BIRC7: variants seen among roughly 807,000 people sequenced by gnomAD.
BIRC7 encodes the protein baculoviral IAP repeat-containing protein 7.
BIRC7 carries 26 observed loss-of-function variants against 33.2 expected under a neutral mutation model. That is an observed-to-expected ratio of 0.78 (90% CI 0.57 to 1.09). BIRC7 has a LOEUF of 1.09. BIRC7 is among the 50% of genes least tolerant of loss of function. BIRC7 has a pLI of 0.00. For synonymous variants in BIRC7, 176 were observed against 171.0 expected (o/e 1.03, Z -0.23); for missense variants, 409 against 401.2 (o/e 1.02, Z -0.17).
At chr20:63,239,911 G>A (rs984732641) in intron 6 of BIRC7, among the ~76,000 whole-genome samples, 6 of 152,260 alleles carry the variant, frequency 3.9e-5, no homozygotes, top group Non-Finnish European at 8.8e-5. Context: ...AAGGAAAGCC[G>A]GCTTTGGAGG....
Position 63,236,367 on chromosome 20 carries a change from C to T in BIRC7, c.271C>T (p.Leu91=). 1.3e-6 allele frequency: 2 copies of T among 1,590,802 alleles called. No individual in the cohort carries two copies. The highest frequency in any genetic ancestry group is 1.7e-6 in the Non-Finnish European group (2 of 1,166,172). The change falls in exon 1 of 7, where the codon CTG becomes TTG. Residue 91 remains leucine, a synonymous_variant. Transcript: ENST00000217169. ...FPGMGSEELR[L]ASFYDWPLTA... ...CGGCATGGGCTCTGAGGAGTTGCGT[C>T]TGGCCTCCTTCTATGACTGGCCGCT...
In BIRC7 at chr20:63,236,417, G is replaced by A; in HGVS notation, c.321G>A (p.Leu107=). 2 of 1,546,288 alleles carry A rather than the reference G, an allele frequency of 1.3e-6. No individual in the cohort carries two copies. Among genetic ancestry groups the A allele is most frequent in the South Asian group, 2.5e-5 (2 of 81,152 alleles). Residue 107 remains leucine (L), a synonymous_variant, in exon 1 of 7, where the codon CTG becomes CTA. Coordinates refer to ENST00000217169, the MANE Select transcript of BIRC7 (RefSeq NM_139317.3). Reference sequence around the variant, plus strand: ...TGACTGCTGAGGTGCCACCCGAGCTGCTGGCTGCTGCCGGCTTCTTCCACA... The same window carrying A: ...TGACTGCTGAGGTGCCACCCGAGCTACTGGCTGCTGCCGGCTTCTTCCACA... ...WPLTAEVPPE[L]LAAAGFFHTG...
chr20:63,236,793 C>T (rs542547154), intron 1 of BIRC7, among the ~76,000 whole-genome samples: 3 of 152,324 alleles, frequency 2.0e-5, no homozygotes, highest in East Asian at 1.9e-4. Context: ...TCACCTTCCC[C>T]GCTGCTGTTC....
chr20:63,239,535 C>A lies in BIRC7; in HGVS notation c.827C>A (p.Ala276Asp). 1 of 1,604,300 alleles carries A rather than the reference C, an allele frequency of 6.2e-7. No homozygotes were observed. Among genetic ancestry groups the A allele is most frequent in the Non-Finnish European group, 8.5e-7 (1 of 1,179,728 alleles). The change falls in exon 6 of 7, where the codon GCC (alanine) becomes GAC (aspartate). Residue 276 changes from alanine to aspartate, a missense_variant. By Grantham distance (126) the Ala-to-Asp change is moderately radical (BLOSUM62 -2). Transcript: ENST00000217169. ...PCGHLVCAEC[A>D]PGLQLCPICR... ...GGCCACCTGGTCTGTGCTGAGTGTG[C>A]CCCCGGCCTGCAGCTGTGCCCCATC...
At position 63,237,947 on chromosome 20, in the gene BIRC7, C is replaced by A; in HGVS notation, c.394C>A (p.Gln132Lys). 1 of 1,608,656 alleles carries A rather than the reference C, an allele frequency of 6.2e-7. No homozygotes were observed. The highest frequency in any genetic ancestry group is 8.5e-7 in the Non-Finnish European group (1 of 1,178,480). The change falls in exon 2 of 7, where the codon CAG becomes AAG. Residue 132 changes from glutamine (Q) to lysine (K), a missense_variant. Coordinates refer to ENST00000217169, the MANE Select transcript of BIRC7 (RefSeq NM_139317.3). The part of the protein sequence containing the change: ...VRCFFCYGGL[Q>K]SWKRGDDPWT... ...GTGCTTCTTCTGCTATGGGGGCCTG[C>A]AGAGCTGGAAGCGCGGGGACGACCC...
chr20:63,237,884 G>C lies in BIRC7; in HGVS notation c.350-19G>C. ...ACTGGGTGGGACTTGGCTGGGGCCA[G>C]CATCTCTCCGCACCCCAGGCCATCA... On this transcript the variant is annotated intron_variant, in intron 1 of 6. Coordinates refer to ENST00000217169, the MANE Select transcript of BIRC7 (RefSeq NM_139317.3). 1 of 1,581,552 alleles carries C rather than the reference G, an allele frequency of 6.3e-7. No individual in the cohort carries two copies. Among genetic ancestry groups the C allele is most frequent in the South Asian group, 1.2e-5 (1 of 86,132 alleles).
intron 4 of BIRC7, among the ~76,000 whole-genome samples, 161 bp from the exon 5 acceptor site, chr20:63,239,001 T>TA (rs1255272653): frequency 6.6e-6 from 1 of 152,142 alleles, no homozygotes; most frequent in Non-Finnish European, 1.5e-5. Context: ...TGGATCCTGT[T>TA]ATGCTGTGGG....
In BIRC7 at chr20:63,236,647, G is replaced by A. The variant is rs140013646; in HGVS notation, c.349+202G>A. 2.0e-3 allele frequency among the ~76,000 whole-genome samples: 308 copies of A among 152,324 alleles called. 2 individuals are homozygous for A. Among genetic ancestry groups the A allele is most frequent in the Non-Finnish European group, 3.7e-3 (251 of 68,028 alleles). On this transcript the variant is annotated intron_variant, in intron 1 of 6. Transcript: ENST00000217169. ...CTCCCCCGGAGTCTCTGCTGGCTGA[G>A]TGTTTCAGACCGTGGGATGTGAGGA...
At chr20:63,237,149 C>T (rs959454703) in intron 1 of BIRC7, among the ~76,000 whole-genome samples, 1 of 152,198 alleles carries the variant, frequency 6.6e-6, no homozygotes, top group Non-Finnish European at 1.5e-5. Context: ...GGCGGGGCAC[C>T]ATCCTGGTAA....
At chr20:63,239,064 C>T (rs1340519238) in intron 4 of BIRC7, 98 bp from the exon 5 acceptor site, 37 of 1,281,934 alleles carry the variant, frequency 2.9e-5, no homozygotes, top group Non-Finnish European at 3.8e-5. Flanking sequence ...CCTCCACTCC[C>T]GGCCAGAACT....
chr20:63,238,694 C>T (rs979863831), intron 4 of BIRC7, 80 bp downstream of exon 4: 2 of 1,545,790 alleles, frequency 1.3e-6, no homozygotes, highest in Admixed American at 1.7e-5. Flanking sequence ...TGTCCCCACC[C>T]TCCCAGACAG....
chr20:63,239,459 A>T lies in BIRC7; in HGVS notation c.751A>T (p.Thr251Ser). ...AQLRRLQEER[T>S]CKVCLDRAVS... ...GCTGCGGCGGCTGCAGGAGGAGAGG[A>T]CGTGCAAGGTGTGCCTGGACCGCGC... Residue 251 changes from threonine (T) to serine (S), a missense_variant, in exon 6 of 7, where the codon ACG becomes TCG. Physicochemically the swap from Thr to Ser is moderately conservative, Grantham distance 58. Coordinates refer to ENST00000217169, the MANE Select transcript of BIRC7 (RefSeq NM_139317.3). 1.2e-6 allele frequency: 2 copies of T among 1,606,842 alleles called. No individual in the cohort carries two copies. The highest frequency in any genetic ancestry group is 1.3e-5 in the African/African-American group (1 of 74,996).
In BIRC7 at chr20:63,239,598, T is replaced by C. The variant is rs908847505; in HGVS notation, c.890T>C (p.Leu297Pro). The change falls in exon 6 of 7, where the codon CTG becomes CCG. Residue 297 changes from leucine to proline, a missense_variant. Transcript: ENST00000217169. ...GTCCGCAGCCGCGTGCGCACCTTCC[T>C]GTCCTAGGCCAGGTGAGCGCCCCAG... ...APVRSRVRTFLS is the reference protein window; with the variant it reads ...APVRSRVRTFPS The C allele has an allele frequency of 3.8e-6, 6 of 1,595,998 alleles. No individual in the cohort carries two copies. Among genetic ancestry groups the C allele is most frequent in the East Asian group, 2.2e-5 (1 of 44,726 alleles).
intron 2 of BIRC7, 45 bp from the exon 3 acceptor site, chr20:63,238,351 A>C (rs1351004437): frequency 6.2e-7 from 1 of 1,605,306 alleles, no homozygotes; most frequent in Admixed American, 1.7e-5. Context: ...TGAAGCAGAC[A>C]GTGGGGGCCC....
chr20:63,237,416 G>A (rs1050774948), intron 1 of BIRC7, among the ~76,000 whole-genome samples: 5 of 152,150 alleles, frequency 3.3e-5, no homozygotes, highest in South Asian at 2.1e-4. Context: ...GGACGGGGTC[G>A]CCAGGAGGTA....
At position 63,238,414 on chromosome 20, in the gene BIRC7, G is replaced by A; in HGVS notation, c.468G>A (p.Arg156=). 6.2e-7 allele frequency: 1 copy of A among 1,611,970 alleles called. No homozygotes were observed. Among genetic ancestry groups the A allele is most frequent in the Non-Finnish European group, 8.5e-7 (1 of 1,179,966 alleles). The change falls in exon 3 of 7, where the codon CGG becomes CGA. Residue 156 remains arginine (R), a synonymous_variant. Coordinates refer to ENST00000217169, the MANE Select transcript of BIRC7 (RefSeq NM_139317.3). ...TCTGCAGCTGTCAGTTCCTGCTCCG[G>A]TCAAAAGGAAGAGACTTTGTCCACA... ...KWFPSCQFLL[R]SKGRDFVHSV... is the part of the protein sequence containing the mutation.
rs879667703 is a variant in BIRC7 at position 63,237,832 on chromosome 20, T to C, written c.350-71T>C. Reference sequence around the variant, plus strand: ...CCCTCCAGCTGAAGCTCTCATAGCCTTGGAAGGACACACCGGGGGCCCGGG... The same window carrying C: ...CCCTCCAGCTGAAGCTCTCATAGCCCTGGAAGGACACACCGGGGGCCCGGG... On this transcript the variant is annotated intron_variant, in intron 1 of 6. Transcript: ENST00000217169. 2.9e-6 allele frequency: 4 copies of C among 1,370,214 alleles called. No homozygotes were observed. The South Asian group carries it at 4.3e-5, about 15-fold the overall frequency. The allele number at this position is 1,370,214 out of a possible 1,614,324, so 84.9% of individuals were successfully genotyped here. A position where few individuals can be genotyped will look rare whatever the true frequency, so the allele number is the denominator to read the frequency against.
intron 1 of BIRC7, among the ~76,000 whole-genome samples, chr20:63,237,437 G>A (rs978122528): frequency 1.4e-4 from 21 of 152,158 alleles, no homozygotes; most frequent in Non-Finnish European, 8.8e-5. Flanking sequence ...GAGAGATGAC[G>A]GGTCCCCCAC....
chr20:63,239,377 G>A lies in BIRC7; in HGVS notation c.669G>A (p.Glu223=), dbSNP rs981460611. 1.9e-6 allele frequency: 3 copies of A among 1,603,734 alleles called. No individual in the cohort carries two copies. The African/African-American group carries it at 4.0e-5, about 21-fold the overall frequency. Residue 223 remains glutamate, a synonymous_variant, in exon 6 of 7, where the codon GAG becomes GAA. Transcript: ENST00000217169. ...AQEPGGVSPA[E]AQRAWWVLEP... is the part of the protein sequence containing the mutation. The stretch of plus-strand genomic sequence containing the variant: ...TCCTAGGAGGGGTCAGTCCAGCCGA[G>A]GCCCAGAGGGCGTGGTGGGTTCTTG...
Sources: allele counts gnomAD v4.1 joint callset (sites outside exome capture counted in the v4.1 genomes callset), GRCh38; gene constraint gnomAD v4.1.1; transcripts MANE v1.5; gene names NCBI Gene and HGNC (gene_info 2026-07-23, HGNC 2026-07-21).